Variants in SOX12 observed in about 807,000 individuals in gnomAD.
The protein encoded by SOX12 is SRY-box transcription factor 12, also known as transcription factor SOX-12.
Under a neutral mutation model 21.5 loss-of-function variants are expected in SOX12, and 8 were observed. The ratio of observed to expected loss-of-function variants is 0.37; its 90% CI spans 0.22 to 0.67. SOX12 has a LOEUF of 0.67. Ranked by LOEUF, SOX12 falls within the 30% of genes least tolerant of loss-of-function variation. The pLI is 0.56. For missense variants in SOX12, 400 were observed against 482.6 expected, an observed-to-expected ratio of 0.83 and a Z score of 1.60; for synonymous variants, 235 against 224.2, an observed-to-expected ratio of 1.05 and a Z score of -0.43.
chr20:326,572 C>T lies in SOX12; in HGVS notation c.648C>T (p.Ala216=). 6.6e-7 allele frequency: 1 copy of T among 1,524,580 alleles called. No individual in the cohort carries two copies. Among genetic ancestry groups the T allele is most frequent in the Admixed American group, 2.2e-5 (1 of 45,134 alleles). The allele number at this position is 1,524,580 out of a possible 1,614,324, so 94.4% of individuals were successfully genotyped here. The change falls in exon 1 of 1, where the codon GCC becomes GCT. Residue 216 remains alanine (A), a synonymous_variant. Coordinates refer to ENST00000342665, the MANE Select transcript of SOX12 (RefSeq NM_006943.4). The surrounding 1 kb of genome is among the most constrained non-coding windows in gnomAD (Gnocchi z 9.9). The part of the protein sequence containing the change: ...PSGEGAAAAA[A]ASPTPSEDEE... The stretch of plus-strand genomic sequence containing the variant: ...GCGAGGGGGCGGCCGCCGCCGCCGC[C>T]GCCTCCCCGACACCGTCGGAGGACG...
chr20:328,631 C>T lies in SOX12; in HGVS notation c.*1759C>T, dbSNP rs2013146728. On this transcript the variant is annotated 3_prime_UTR_variant, in exon 1 of 1. Coordinates refer to ENST00000342665, the MANE Select transcript of SOX12 (RefSeq NM_006943.4). Reference sequence around the variant, plus strand: ...GTCTGTGGTCTTGGAGAACTAGTCTCGTAGCTGAGGGGTGGGGTCCCTCTG... The same window carrying T: ...GTCTGTGGTCTTGGAGAACTAGTCTTGTAGCTGAGGGGTGGGGTCCCTCTG... 5 of 165,314 alleles carry T rather than the reference C, an allele frequency of 3.0e-5. No homozygotes were observed. The allele number at this position is 165,314 out of a possible 1,614,324, so 10.2% of individuals were successfully genotyped here. A position where few individuals can be genotyped will look rare whatever the true frequency, so the allele number is the denominator to read the frequency against.
In SOX12 at chr20:326,462, G is replaced by A. The variant is rs1000287490; in HGVS notation, c.538G>A (p.Glu180Lys). The change falls in exon 1 of 1, where the codon GAG (glutamate) becomes AAG (lysine). Residue 180 changes from glutamate (E) to lysine (K), a missense_variant. By Grantham distance (56) the Glu-to-Lys change is moderately conservative (BLOSUM62 1). Transcript: ENST00000342665. The surrounding 1 kb of genome is among the most constrained non-coding windows in gnomAD (Gnocchi z 9.9). The stretch of plus-strand genomic sequence containing the variant: ...GGAGCTGCTGGAAGTGCGCCTGGTC[G>A]AGACCCCGGGGCGGGAGCTGTGGAG... ...DEELLEVRLVETPGRELWRMV... is the reference protein window; with the variant it reads ...DEELLEVRLVKTPGRELWRMV... 9 of 1,388,590 alleles carry A rather than the reference G, an allele frequency of 6.5e-6. No homozygotes were observed. Among genetic ancestry groups the A allele is most frequent in the Non-Finnish European group, 8.3e-6 (9 of 1,080,574 alleles). The allele number at this position is 1,388,590 out of a possible 1,614,324, so 86.0% of individuals were successfully genotyped here.
Position 327,103 on chromosome 20 carries a change from C to T in SOX12, c.*231C>T, listed in dbSNP as rs1600207361. Reference sequence around the variant, plus strand: ...ACACCCAAGCCCCTCCCCACGTCGCCCCCTCCTGCACAGCCACCAGCAGCC... The same window carrying T: ...ACACCCAAGCCCCTCCCCACGTCGCTCCCTCCTGCACAGCCACCAGCAGCC... On this transcript the variant is annotated 3_prime_UTR_variant, in exon 1 of 1. Transcript: ENST00000342665. 1.7e-6 allele frequency: 1 copy of T among 592,110 alleles called. No individual in the cohort carries two copies. Among genetic ancestry groups the T allele is most frequent in the African/African-American group, 1.9e-5 (1 of 51,578 alleles). 36.7% of individuals were successfully genotyped at this position (592,110 alleles called of 1,614,324 possible).
At position 326,048 on chromosome 20, in the gene SOX12, A is replaced by T; in HGVS notation, c.124A>T (p.Arg42Trp). 6.3e-7 allele frequency: 1 copy of T among 1,596,452 alleles called. No individual in the cohort carries two copies. Among genetic ancestry groups the T allele is most frequent in the South Asian group, 1.1e-5 (1 of 88,470 alleles). ...WCKTPSGHIK[R>W]PMNAFMVWSQ... ...CAAGACCCCGAGCGGCCACATCAAG[A>T]GGCCGATGAACGCATTCATGGTGTG... The change falls in exon 1 of 1, where the codon AGG (arginine) becomes TGG (tryptophan). Residue 42 changes from arginine to tryptophan, a missense_variant. Physicochemically the swap from Arg to Trp is moderately radical, Grantham distance 101 (BLOSUM62 -3). Around this residue, in one of 4 missense-constraint regions of SOX12, gnomAD observed 92 missense variants for 162.0 expected, o/e 0.57. Transcript: ENST00000342665. The surrounding 1 kb of genome is among the most constrained non-coding windows in gnomAD (Gnocchi z 9.9).
Position 325,951 on chromosome 20 carries a change from C to G in SOX12, c.27C>G (p.Ala9=). MVQQRGAR[A]KRDGGPPPPG... ...TGGTGCAGCAGCGGGGCGCGAGGGC[C>G]AAGCGGGACGGCGGGCCGCCGCCCC... Residue 9 remains alanine, a synonymous_variant, in exon 1 of 1, where the codon GCC becomes GCG. Transcript: ENST00000342665. The surrounding 1 kb of genome is among the most constrained non-coding windows in gnomAD (Gnocchi z 5.0). The G allele has an allele frequency of 7.5e-7, 1 of 1,333,566 alleles. No homozygotes were observed. 82.6% of individuals were successfully genotyped at this position (1,333,566 alleles called of 1,614,324 possible).
In SOX12 at chr20:325,967, C is replaced by A; in HGVS notation, c.43C>A (p.Pro15Thr). The A allele has an allele frequency of 7.2e-7, 1 of 1,389,010 alleles. No individual in the cohort carries two copies. Among genetic ancestry groups the A allele is most frequent in the South Asian group, 1.6e-5 (1 of 62,868 alleles). 86.0% of individuals were successfully genotyped at this position (1,389,010 alleles called of 1,614,324 possible). Residue 15 changes from proline to threonine, a missense_variant, in exon 1 of 1, where the codon CCG becomes ACG. Coordinates refer to ENST00000342665, the MANE Select transcript of SOX12 (RefSeq NM_006943.4). The surrounding 1 kb of genome is among the most constrained non-coding windows in gnomAD (Gnocchi z 5.0). ...CGCGAGGGCCAAGCGGGACGGCGGG[C>A]CGCCGCCCCCGGGACCCGGGCCGGC... ...RGARAKRDGG[P>T]PPPGPGPAEE... is the part of the protein sequence containing the mutation.
chr20:326,142 G>C lies in SOX12; in HGVS notation c.218G>C (p.Arg73Pro). 1 of 1,600,538 alleles carries C rather than the reference G, an allele frequency of 6.2e-7. No individual in the cohort carries two copies. The highest frequency in any genetic ancestry group is 8.5e-7 in the Non-Finnish European group (1 of 1,174,070). ...ATGCACAACGCCGAGATCTCCAAGC[G>C]CCTGGGCCGCCGCTGGCAGCTGCTG... ...PDMHNAEISK[R>P]LGRRWQLLQD... Residue 73 changes from arginine (R) to proline (P), a missense_variant, in exon 1 of 1, where the codon CGC becomes CCC. Around this residue, in one of 4 missense-constraint regions of SOX12, gnomAD observed 92 missense variants for 162.0 expected, o/e 0.57. Coordinates refer to ENST00000342665, the MANE Select transcript of SOX12 (RefSeq NM_006943.4). The surrounding 1 kb of genome is among the most constrained non-coding windows in gnomAD (Gnocchi z 9.9).
rs754273854 is a variant in SOX12 at position 326,098 on chromosome 20, C to T, written c.174C>T (p.Ile58=). The T allele has an allele frequency of 6.2e-7, 1 of 1,602,574 alleles. No individual in the cohort carries two copies. The highest frequency in any genetic ancestry group is 8.5e-7 in the Non-Finnish European group (1 of 1,175,066). The change falls in exon 1 of 1, where the codon ATC becomes ATT. Residue 58 remains isoleucine (I), a synonymous_variant. Transcript: ENST00000342665. This position sits in a 1 kb window ranked among gnomAD's most constrained non-coding sequence, Gnocchi z 9.9. ...GGTCGCAGCACGAACGGCGGAAGAT[C>T]ATGGACCAGTGGCCCGACATGCACA... ...MVWSQHERRK[I]MDQWPDMHNA...
Position 329,998 on chromosome 20 carries a change from C to G in SOX12, c.*3126C>G, listed in dbSNP as rs538784558. Reference sequence around the variant, plus strand: ...CCACTTCACCTGAGACCACGCCCTTCCTGGGGCAGCCTGTATCTGGTGTCT... The same window carrying G: ...CCACTTCACCTGAGACCACGCCCTTGCTGGGGCAGCCTGTATCTGGTGTCT... On this transcript the variant is annotated 3_prime_UTR_variant, in exon 1 of 1. Transcript: ENST00000342665. The G allele has an allele frequency of 6.0e-6, 1 of 167,270 alleles. No homozygotes were observed. Among genetic ancestry groups the G allele is most frequent in the East Asian group, 1.9e-4 (1 of 5,178 alleles). The allele number at this position is 167,270 out of a possible 1,614,324, so 10.4% of individuals were successfully genotyped here.
In SOX12 at chr20:326,007, G is replaced by T; in HGVS notation, c.83G>T (p.Arg28Leu). ...PGPGPAEEGA[R>L]EPGWCKTPSG... is the part of the protein sequence containing the mutation. ...CCCGGGCCGGCCGAGGAGGGGGCGC[G>T]CGAGCCCGGCTGGTGCAAGACCCCG... Residue 28 changes from arginine (R) to leucine (L), a missense_variant, in exon 1 of 1, where the codon CGC becomes CTC. Physicochemically the swap from Arg to Leu is moderately radical, Grantham distance 102. Transcript: ENST00000342665. The surrounding 1 kb of genome is among the most constrained non-coding windows in gnomAD (Gnocchi z 9.9). The T allele has an allele frequency of 6.6e-7, 1 of 1,515,964 alleles. No homozygotes were observed. Among genetic ancestry groups the T allele is most frequent in the Non-Finnish European group, 8.8e-7 (1 of 1,132,054 alleles). The allele number at this position is 1,515,964 out of a possible 1,614,324, so 93.9% of individuals were successfully genotyped here.
In SOX12 at chr20:326,677, G is replaced by C; in HGVS notation, c.753G>C (p.Ser251=). The C allele has an allele frequency of 6.4e-7, 1 of 1,563,964 alleles. No individual in the cohort carries two copies. Residue 251 remains serine (S), a synonymous_variant, in exon 1 of 1, where the codon TCG becomes TCC. Coordinates refer to ENST00000342665, the MANE Select transcript of SOX12 (RefSeq NM_006943.4). The surrounding 1 kb of genome is among the most constrained non-coding windows in gnomAD (Gnocchi z 9.9). ...AGACGGTGGCGTCGGGGGAGGAGTCGCTGGGCTTTCTGTCCAGGCTGCCCC... is the reference window on the plus strand; with the variant it reads ...AGACGGTGGCGTCGGGGGAGGAGTCCCTGGGCTTTCTGTCCAGGCTGCCCC... ...EEETVASGEE[S]LGFLSRLPPG...
chr20:326,188 G>A lies in SOX12; in HGVS notation c.264G>A (p.Pro88=). ...TGCTGCAGGACTCGGAGAAGATCCC[G>A]TTCGTGCGGGAGGCGGAGCGGCTGC... is the stretch of plus-strand genomic sequence containing the variant. The part of the protein sequence containing the change: ...WQLLQDSEKI[P]FVREAERLRL... The change falls in exon 1 of 1, where the codon CCG becomes CCA. Residue 88 remains proline, a synonymous_variant. Transcript: ENST00000342665. The surrounding 1 kb of genome is among the most constrained non-coding windows in gnomAD (Gnocchi z 9.9). 1.3e-6 allele frequency: 2 copies of A among 1,592,450 alleles called. No homozygotes were observed. Among genetic ancestry groups the A allele is most frequent in the Non-Finnish European group, 1.7e-6 (2 of 1,170,348 alleles).
Position 326,395 on chromosome 20 carries a change from C to A in SOX12, c.471C>A (p.Gly157=). The change falls in exon 1 of 1, where the codon GGC becomes GGA. Residue 157 remains glycine, a synonymous_variant. Coordinates refer to ENST00000342665, the MANE Select transcript of SOX12 (RefSeq NM_006943.4). This position sits in a 1 kb window ranked among gnomAD's most constrained non-coding sequence, Gnocchi z 9.9. The stretch of plus-strand genomic sequence containing the variant: ...GAGCAGCGGGAGGGCCTTTGGGGGG[C>A]GGGGCGGCGGCGCCCGAGGACGACG... ...GRRAAGGPLG[G]GAAAPEDDDE... is the part of the protein sequence containing the mutation. 1 of 1,333,690 alleles carries A rather than the reference C, an allele frequency of 7.5e-7. No individual in the cohort carries two copies. The highest frequency in any genetic ancestry group is 9.5e-7 in the Non-Finnish European group (1 of 1,047,190). 82.6% of individuals were successfully genotyped at this position (1,333,690 alleles called of 1,614,324 possible). A position where few individuals can be genotyped will look rare whatever the true frequency, so the allele number is the denominator to read the frequency against.
Position 326,008 on chromosome 20 carries a change from C to T in SOX12, c.84C>T (p.Arg28=), listed in dbSNP as rs1038058525. The change falls in exon 1 of 1, where the codon CGC becomes CGT. Residue 28 remains arginine (R), a synonymous_variant. Transcript: ENST00000342665. The surrounding 1 kb of genome is among the most constrained non-coding windows in gnomAD (Gnocchi z 9.9). ...PGPGPAEEGA[R]EPGWCKTPSG... ...CCGGGCCGGCCGAGGAGGGGGCGCG[C>T]GAGCCCGGCTGGTGCAAGACCCCGA... The T allele has an allele frequency of 1.3e-6, 2 of 1,518,280 alleles. No individual in the cohort carries two copies. Among genetic ancestry groups the T allele is most frequent in the African/African-American group, 2.9e-5 (2 of 69,724 alleles). 94.1% of individuals were successfully genotyped at this position (1,518,280 alleles called of 1,614,324 possible). A position where few individuals can be genotyped will look rare whatever the true frequency, so the allele number is the denominator to read the frequency against.
At position 329,962 on chromosome 20, in the gene SOX12, G is replaced by A. The variant is rs2013165274; in HGVS notation, c.*3090G>A. The A allele has an allele frequency of 6.0e-6, 1 of 167,140 alleles. No individual in the cohort carries two copies. Among genetic ancestry groups the A allele is most frequent in the African/African-American group, 2.4e-5 (1 of 41,464 alleles). 10.4% of individuals were successfully genotyped at this position (167,140 alleles called of 1,614,324 possible). ...GGGAAGTGCCATCAGGGTGGCCGCA[G>A]CTGCAGAGAGCCACTTCACCTGAGA... On this transcript the variant is annotated 3_prime_UTR_variant, in exon 1 of 1. Coordinates refer to ENST00000342665, the MANE Select transcript of SOX12 (RefSeq NM_006943.4).
rs2013080028 is a variant in SOX12 at position 325,965 on chromosome 20, G to GGCC, written c.48_50dup (p.Pro18dup). ...GGCGCGAGGGCCAAGCGGGACGGCGGGCCGCCGCCCCCGGGACCCGGGCCG... is the reference window on the plus strand; with the variant it reads ...GGCGCGAGGGCCAAGCGGGACGGCGGGCCGCCGCCGCCCCCGGGACCCGGGCCG... On this transcript the variant is annotated inframe_insertion, in exon 1 of 1. Coordinates refer to ENST00000342665, the MANE Select transcript of SOX12 (RefSeq NM_006943.4). This position sits in a 1 kb window ranked among gnomAD's most constrained non-coding sequence, Gnocchi z 5.0. The GGCC allele has an allele frequency of 1.4e-6, 2 of 1,385,876 alleles. No homozygotes were observed. The highest frequency in any genetic ancestry group is 1.9e-6 in the Non-Finnish European group (2 of 1,068,952). 85.8% of individuals were successfully genotyped at this position (1,385,876 alleles called of 1,614,324 possible). A position where few individuals can be genotyped will look rare whatever the true frequency, so the allele number is the denominator to read the frequency against.
Position 325,894 on chromosome 20 carries a change from G to A in SOX12, c.-31G>A, listed in dbSNP as rs1426096015. The A allele has an allele frequency of 7.3e-6, 8 of 1,088,524 alleles. No homozygotes were observed. The highest frequency in any genetic ancestry group is 8.9e-6 in the Non-Finnish European group (8 of 898,010). 67.4% of individuals were successfully genotyped at this position (1,088,524 alleles called of 1,614,324 possible). A position where few individuals can be genotyped will look rare whatever the true frequency, so the allele number is the denominator to read the frequency against. The stretch of plus-strand genomic sequence containing the variant: ...CCGCGGAGGATGCGGACGGCCCCCG[G>A]CGGCGTCTAGCGGCCCCGGGCCCAG... On this transcript the variant is annotated 5_prime_UTR_variant, in exon 1 of 1. Coordinates refer to ENST00000342665, the MANE Select transcript of SOX12 (RefSeq NM_006943.4). The surrounding 1 kb of genome is among the most constrained non-coding windows in gnomAD (Gnocchi z 5.0).
chr20:326,884 G>C lies in SOX12; in HGVS notation c.*12G>C, dbSNP rs2013106520. 1.2e-6 allele frequency: 2 copies of C among 1,612,854 alleles called. No homozygotes were observed. The highest frequency in any genetic ancestry group is 8.5e-7 in the Non-Finnish European group (1 of 1,179,720). On this transcript the variant is annotated 3_prime_UTR_variant, in exon 1 of 1. Coordinates refer to ENST00000342665, the MANE Select transcript of SOX12 (RefSeq NM_006943.4). The surrounding 1 kb of genome is among the most constrained non-coding windows in gnomAD (Gnocchi z 9.9). ...TTTTCACCTACTGAGCCCACCGTCA[G>C]CGGGGCGCGCACGCCCCCAAACCAG...
chr20:326,187 C>G lies in SOX12; in HGVS notation c.263C>G (p.Pro88Arg). 1 of 1,592,376 alleles carries G rather than the reference C, an allele frequency of 6.3e-7. No individual in the cohort carries two copies. Among genetic ancestry groups the G allele is most frequent in the Non-Finnish European group, 8.5e-7 (1 of 1,170,264 alleles). Residue 88 changes from proline (P) to arginine (R), a missense_variant, in exon 1 of 1, where the codon CCG becomes CGG. Pro to Arg is a moderately radical substitution (Grantham distance 103). Around this residue, in one of 4 missense-constraint regions of SOX12, gnomAD observed 92 missense variants for 162.0 expected, o/e 0.57. Transcript: ENST00000342665. The surrounding 1 kb of genome is among the most constrained non-coding windows in gnomAD (Gnocchi z 9.9). ...CTGCTGCAGGACTCGGAGAAGATCC[C>G]GTTCGTGCGGGAGGCGGAGCGGCTG... ...WQLLQDSEKI[P>R]FVREAERLRL...
Sources: gnomAD v4.1 joint callset for allele counts on GRCh38, gnomAD v4.1.1 for gene constraint, gnomAD v4.1.1 regional missense constraint, Gnocchi (gnomAD v3.1) non-coding constraint, MANE v1.5 for transcripts, NCBI Gene and HGNC (gene_info 2026-07-23, HGNC 2026-07-21) for gene names.